The following NSD2 variants were observed in gnomAD, a reference collection of about 807,000 sequenced individuals.
NSD2 encodes histone-lysine N-methyltransferase NSD2.
Under a neutral mutation model 139.0 loss-of-function variants are expected in NSD2, and 12 were observed. That is an observed-to-expected ratio of 0.09 (90% CI 0.06 to 0.14). The LOEUF (loss-of-function observed/expected upper bound fraction) is 0.14, where lower values mean the gene tolerates loss of function less well. Ranked by LOEUF, NSD2 falls within the 10% of genes least tolerant of loss-of-function variation. NSD2 has a pLI of 1.00. For missense variants in NSD2, 1,155 were observed against 1,745.0 expected (o/e 0.66, Z 6.02); for synonymous variants, 669 against 648.7 (o/e 1.03, Z -0.48).
rs770832200 is a variant in NSD2, at chr4:1,904,267, C to T, written c.649C>T (p.Leu217=). The change falls in exon 3 of 22, where the codon CTG becomes TTG. Residue 217 remains leucine (L), a synonymous_variant. Transcript: ENST00000508803. ...CPNTGRDKDH[L]LKYNVGDLVW... is the part of the protein sequence containing the mutation. ...AAACACTGGAAGAGACAAAGACCACCTGTTGAAATACAACGTTGGTGATTT... is the reference window on the plus strand; with the variant it reads ...AAACACTGGAAGAGACAAAGACCACTTGTTGAAATACAACGTTGGTGATTT... 6.2e-7 allele frequency: 1 copy of T among 1,614,168 alleles called. No homozygotes were observed. The highest frequency in any genetic ancestry group is 8.5e-7 in the Non-Finnish European group (1 of 1,180,004).
intron 9 of NSD2, chr4:1,944,428 A>C: frequency 9.4e-7 from 1 of 1,065,246 alleles, no homozygotes; most frequent in East Asian, 5.0e-5. Flanking sequence ...AGACATTTGA[A>C]TTGCCGGTTG....
intron 1 of NSD2, among the ~76,000 whole-genome samples, chr4:1,877,743 C>G (rs1289167163): frequency 6.6e-6 from 1 of 152,198 alleles, no homozygotes; most frequent in Non-Finnish European, 1.5e-5. Flanking sequence ...CTGCCTCCGA[C>G]TAGTGCCCTT....
rs1232283795 is a variant in NSD2 at position 1,973,150 on chromosome 4, ATTG to A, written c.3373-1710_3373-1708del. Among the ~76,000 whole-genome samples the A allele has an allele frequency of 2.0e-5, 3 of 152,118 alleles. No individual in the cohort carries two copies. The highest frequency in any genetic ancestry group is 7.2e-5 in the African/African-American group (3 of 41,414). On this transcript the variant is annotated intron_variant, in intron 18 of 21. Transcript: ENST00000508803. The surrounding 1 kb of genome is among the most constrained non-coding windows in gnomAD (Gnocchi z 5.5). The stretch of plus-strand genomic sequence containing the variant: ...GTGAGCCACCGCGCCCGGCCGACAT[ATTG>A]TTATAAAGGGGTCTGATGTTTGGAA...
intron 2 of NSD2, 100 bp from the exon 3 acceptor site, chr4:1,904,116 G>T (rs1717572562): frequency 7.6e-7 from 1 of 1,320,604 alleles, no homozygotes; most frequent in South Asian, 1.4e-5. Context: ...TTGGGGGTCT[G>T]TGTGTATTTG....
rs770796638 is a variant in NSD2 at position 1,941,952 on chromosome 4, T to C, written c.1881+2174T>C. On this transcript the variant is annotated intron_variant, in intron 9 of 21. Transcript: ENST00000508803. The stretch of plus-strand genomic sequence containing the variant: ...TTGACTGCTGGGCCCGATTCTGATA[T>C]GAGTTAGGTGACCATGAGAATTGCT... The C allele has an allele frequency of 9.3e-5, 100 of 1,078,964 alleles. 1 individual carries two copies. The highest frequency in any genetic ancestry group is 1.5e-4 in the Admixed American group (3 of 20,680). 66.8% of individuals were successfully genotyped at this position (1,078,964 alleles called of 1,614,324 possible).
At chr4:1,894,737 A>G (rs1429882529) in intron 1 of NSD2, among the ~76,000 whole-genome samples, 1 of 152,050 alleles carries the variant, frequency 6.6e-6, no homozygotes, top group Non-Finnish European at 1.5e-5. Context: ...AGCCTCTCCA[A>G]CTAGAACTGC....
chr4:1,952,787 A>G (rs1167920722), intron 11 of NSD2: 2 of 1,137,990 alleles, frequency 1.8e-6, no homozygotes, highest in African/African-American at 3.2e-5. Flanking sequence ...TGTGAGGATG[A>G]TGAGAGGACA....
At chr4:1,940,316 TGA>T in intron 9 of NSD2, 3 of 1,072,118 alleles carry the variant, frequency 2.8e-6, no homozygotes, top group Non-Finnish European at 3.4e-6. Context: ...ACTTGAGTGT[TGA>T]GGTGAGTCAG....
chr4:1,924,960 A>G (rs575032816), intron 5 of NSD2, among the ~76,000 whole-genome samples: 1 of 152,268 alleles, frequency 6.6e-6, no homozygotes, highest in East Asian at 1.9e-4. Flanking sequence ...CTCTGTGTTA[A>G]TGTCCAACAC....
chr4:1,897,853 C>T (rs185777225), intron 1 of NSD2, among the ~76,000 whole-genome samples: 20 of 152,188 alleles, frequency 1.3e-4, no homozygotes, highest in Non-Finnish European at 1.5e-5. Context: ...CCTCGAACTC[C>T]AGACCACAAG....
intron 17 of NSD2, among the ~76,000 whole-genome samples, chr4:1,960,834 T>C (rs1577550607): frequency 6.6e-6 from 1 of 152,122 alleles, no homozygotes; most frequent in East Asian, 1.9e-4. Flanking sequence ...ACTTAATACA[T>C]TTTTCATTGG....
At chr4:1,877,545 T>A (rs1471085677) in intron 1 of NSD2, among the ~76,000 whole-genome samples, 2 of 152,208 alleles carry the variant, frequency 1.3e-5, no homozygotes, top group African/African-American at 4.8e-5. Context: ...CCCCATGTGT[T>A]TGGGGGATAG....
rs771940413 is a variant in NSD2, at chr4:1,959,757, C to T, written c.3255+17C>T. ...ATCAGAAAGGTATGTGTCGTTATCC[C>T]CTCCCCTGCTTTTGAGAAATTACGG... On this transcript the variant is annotated intron_variant, in intron 17 of 21. Transcript: ENST00000508803. 45 of 1,604,510 alleles carry T rather than the reference C, an allele frequency of 2.8e-5. No homozygotes were observed. Among genetic ancestry groups the T allele is most frequent in the Middle Eastern group, 1.7e-4 (1 of 6,036 alleles).
chr4:1,947,938 A>T, intron 9 of NSD2: 1 of 1,056,872 alleles, frequency 9.5e-7, no homozygotes, highest in African/African-American at 1.6e-5. Flanking sequence ...ACTGCGGCTC[A>T]TACAGGTCAC....
intron 1 of NSD2, among the ~76,000 whole-genome samples, chr4:1,888,828 A>G (rs1403242991): frequency 2.0e-5 from 3 of 151,802 alleles, no homozygotes; most frequent in Non-Finnish European, 2.9e-5. Flanking sequence ...GGCCTCCCAA[A>G]GTACTGGGAT....
chr4:1,910,162 A>G (rs189967113), intron 3 of NSD2, among the ~76,000 whole-genome samples: 11 of 152,312 alleles, frequency 7.2e-5, no homozygotes, highest in Admixed American at 1.3e-4. Context: ...GTTGTAATTT[A>G]CAGCAGCAGA....
chr4:1,940,000 CTG>C, intron 9 of NSD2: 1 of 1,409,058 alleles, frequency 7.1e-7, no homozygotes, highest in Non-Finnish European at 9.2e-7. Flanking sequence ...CACACAGTGT[CTG>C]TGTACATGTA....
intron 7 of NSD2, among the ~76,000 whole-genome samples, chr4:1,937,694 C>T (rs1158943017): frequency 6.6e-6 from 1 of 152,222 alleles, no homozygotes; most frequent in Non-Finnish European, 1.5e-5. Flanking sequence ...GATTCCACCT[C>T]ACCGCATCCT....
At chr4:1,924,290 C>T (rs1292846413) in intron 5 of NSD2, among the ~76,000 whole-genome samples, 1 of 152,174 alleles carries the variant, frequency 6.6e-6, no homozygotes, top group Non-Finnish European at 1.5e-5. Context: ...CAGTGTTTGA[C>T]AGCTAGGCCT....
Sources: allele counts gnomAD v4.1 joint callset (sites outside exome capture counted in the v4.1 genomes callset), GRCh38; gene constraint gnomAD v4.1.1; non-coding constraint Gnocchi (gnomAD v3.1); transcripts MANE v1.5; gene names NCBI Gene and HGNC (gene_info 2026-07-23, HGNC 2026-07-21).